The following SPHK1 variants were observed in gnomAD, a reference collection of about 807,000 sequenced individuals.
The protein encoded by SPHK1 is sphingosine kinase 1.
Under a neutral mutation model 14.6 loss-of-function variants are expected in SPHK1, and 10 were observed. That is an observed-to-expected ratio of 0.68 (90% CI 0.42 to 1.16). The LOEUF (loss-of-function observed/expected upper bound fraction) is 1.16, where lower values mean the gene tolerates loss of function less well. SPHK1 is among the 50% of genes most tolerant of loss of function. The pLI is 0.00. For missense variants in SPHK1, 553 were observed against 525.4 expected (o/e 1.05, Z -0.51); for synonymous variants, 274 against 224.0 (o/e 1.22, Z -1.99).
chr17:76,383,795 T>G, upstream of SPHK1: 1 of 1,275,582 alleles, frequency 7.8e-7, no homozygotes, highest in Non-Finnish European at 1.0e-6. Context: ...TCTGAGCGCG[T>G]TTCCGGCGCC....
At position 76,386,251 on chromosome 17, in the gene SPHK1, G is replaced by T; in HGVS notation, c.194G>T (p.Arg65Leu). The part of the protein sequence containing the change: ...ERRNHARELV[R>L]SEELGRWDAL... Reference sequence around the variant, plus strand: ...CGGAACCACGCGCGGGAGCTGGTGCGGTCGGAGGAGCTGGGCCGCTGGGAC... The same window carrying T: ...CGGAACCACGCGCGGGAGCTGGTGCTGTCGGAGGAGCTGGGCCGCTGGGAC... Residue 65 changes from arginine (R) to leucine (L), a missense_variant, in exon 4 of 6, where the codon CGG becomes CTG. Transcript: ENST00000592299. The surrounding 1 kb of genome is among the most constrained non-coding windows in gnomAD (Gnocchi z 5.3). 6.3e-7 allele frequency: 1 copy of T among 1,594,688 alleles called. No individual in the cohort carries two copies. The highest frequency in any genetic ancestry group is 1.3e-5 in the African/African-American group (1 of 74,894).
At position 76,385,554 on chromosome 17, in the gene SPHK1, C is replaced by G. The variant is rs572002544; in HGVS notation, c.-91C>G. The G allele has an allele frequency of 3.2e-6, 5 of 1,540,198 alleles. No homozygotes were observed. The South Asian group carries it at 5.9e-5, about 18-fold the overall frequency. Reference sequence around the variant, plus strand: ...CCTGCGACGCCCGCCTGGGCAGCACCGATAAGGAGCTGAAGGCAGGAGCCG... The same window carrying G: ...CCTGCGACGCCCGCCTGGGCAGCACGGATAAGGAGCTGAAGGCAGGAGCCG... On this transcript the variant is annotated 5_prime_UTR_variant, in exon 2 of 6. Transcript: ENST00000592299. This position sits in a 1 kb window ranked among gnomAD's most constrained non-coding sequence, Gnocchi z 5.3.
chr17:76,383,945 C>G, upstream of SPHK1: 1 of 1,096,528 alleles, frequency 9.1e-7, no homozygotes, highest in Non-Finnish European at 1.1e-6. Context: ...GCCTGCTCTA[C>G]CCGGGACAGC....
upstream of SPHK1, chr17:76,384,142 A>G (rs1003491819): frequency 6.1e-6 from 1 of 162,884 alleles, no homozygotes; most frequent in Non-Finnish European, 1.4e-5. Flanking sequence ...CAGAGCGCGC[A>G]AAAGGGGCGC....
upstream of SPHK1, chr17:76,383,838 G>A: frequency 1.6e-6 from 2 of 1,286,464 alleles, no homozygotes; most frequent in South Asian, 1.2e-5. Flanking sequence ...GGGGCGGGGG[G>A]CACGTACCAC....
In SPHK1 at chr17:76,385,786, C is replaced by A; in HGVS notation, c.10+132C>A. ...CATTATCCCTCACGAGGCCAGAAGC[C>A]GGCCGAATCTGAGCCAAGGAAGGGG... is the stretch of plus-strand genomic sequence containing the variant. On this transcript the variant is annotated intron_variant, in intron 2 of 5. Transcript: ENST00000592299. The surrounding 1 kb of genome is among the most constrained non-coding windows in gnomAD (Gnocchi z 5.3). 7.0e-7 allele frequency: 1 copy of A among 1,423,908 alleles called. No individual in the cohort carries two copies. Among genetic ancestry groups the A allele is most frequent in the Non-Finnish European group, 9.6e-7 (1 of 1,045,468 alleles). 88.2% of individuals were successfully genotyped at this position (1,423,908 alleles called of 1,614,324 possible). A position where few individuals can be genotyped will look rare whatever the true frequency, so the allele number is the denominator to read the frequency against.
upstream of SPHK1, chr17:76,383,717 G>T: frequency 3.1e-6 from 2 of 648,232 alleles, no homozygotes; most frequent in Non-Finnish European, 4.7e-6. Flanking sequence ...TCTGTGGCTT[G>T]CCGCGATAAG....
At chr17:76,383,869 GA>G, upstream of SPHK1, 1 of 1,277,200 alleles carries the variant, frequency 7.8e-7, no homozygotes, top group Non-Finnish European at 1.0e-6. Flanking sequence ...TTCCAATCCC[GA>G]CGGGGGCCCC....
chr17:76,386,499 A>G lies in SPHK1; in HGVS notation c.365A>G (p.His122Arg). ...SGNALAASLN[H>R]YAGYEQVTNE... is the part of the protein sequence containing the mutation. ...AACGCGCTGGCAGCTTCCTTGAACC[A>G]TTATGCTGGGTGAGAGCCCAGGGCC... Residue 122 changes from histidine to arginine, a missense_variant, in exon 5 of 6, where the codon CAT (histidine) becomes CGT (arginine). Transcript: ENST00000592299. This position sits in a 1 kb window ranked among gnomAD's most constrained non-coding sequence, Gnocchi z 5.3. The G allele has an allele frequency of 6.2e-7, 1 of 1,611,940 alleles. No homozygotes were observed. The highest frequency in any genetic ancestry group is 2.2e-5 in the East Asian group (1 of 44,864).
rs1160074476 is a variant in SPHK1, at chr17:76,385,961, G to T, written c.11-24G>T. The T allele has an allele frequency of 4.4e-6, 7 of 1,582,594 alleles. No homozygotes were observed. Among genetic ancestry groups the T allele is most frequent in the Admixed American group, 3.6e-5 (2 of 55,880 alleles). On this transcript the variant is annotated intron_variant, in intron 2 of 5. Coordinates refer to ENST00000592299, the MANE Select transcript of SPHK1 (RefSeq NM_001142601.2). The surrounding 1 kb of genome is among the most constrained non-coding windows in gnomAD (Gnocchi z 5.3). ...CCCCTAGTGGTCGGTTGCGGACGTG[G>T]CCTCTTTGGTTTTGTTTTCTCAGCG...
chr17:76,387,585 G>A lies in SPHK1; in HGVS notation c.1154G>A (p.Ter385=). ...QQMPPPEEPL[*] is the part of the protein sequence containing the mutation. ...ATGCCACCGCCAGAAGAGCCCTTAT[G>A]ACCCCTGGGCCGCGCTGTGCCTTAG... Residue 385 remains the stop codon, a stop_retained_variant, in exon 6 of 6, where the codon TGA becomes TAA. Coordinates refer to ENST00000592299, the MANE Select transcript of SPHK1 (RefSeq NM_001142601.2). The surrounding 1 kb of genome is among the most constrained non-coding windows in gnomAD (Gnocchi z 4.1). 1 of 1,586,192 alleles carries A rather than the reference G, an allele frequency of 6.3e-7. No homozygotes were observed. The highest frequency in any genetic ancestry group is 1.1e-5 in the South Asian group (1 of 87,290).
chr17:76,386,944 G>T lies in SPHK1; in HGVS notation c.513G>T (p.Trp171Cys). The change falls in exon 6 of 6, where the codon TGG (tryptophan) becomes TGT (cysteine). Residue 171 changes from tryptophan to cysteine, a missense_variant. Coordinates refer to ENST00000592299, the MANE Select transcript of SPHK1 (RefSeq NM_001142601.2). The surrounding 1 kb of genome is among the most constrained non-coding windows in gnomAD (Gnocchi z 5.3). ...LRLFSVLSLAWGFIADVDLES... is the reference protein window; with the variant it reads ...LRLFSVLSLACGFIADVDLES... The stretch of plus-strand genomic sequence containing the variant: ...TCTTCTCTGTGCTCAGCCTGGCCTG[G>T]GGCTTCATTGCTGATGTGGACCTAG... The T allele has an allele frequency of 6.2e-7, 1 of 1,613,514 alleles. No homozygotes were observed. Among genetic ancestry groups the T allele is most frequent in the Non-Finnish European group, 8.5e-7 (1 of 1,179,828 alleles).
rs1465800858 is a variant in SPHK1 at position 76,385,900 on chromosome 17, A to G, written c.11-85A>G. ...CAATTACCGGGGTGTTTCGGGCACC[A>G]AGTTCCCACACTAGTGCCCCATTGT... is the stretch of plus-strand genomic sequence containing the variant. On this transcript the variant is annotated intron_variant, in intron 2 of 5. Transcript: ENST00000592299. This position sits in a 1 kb window ranked among gnomAD's most constrained non-coding sequence, Gnocchi z 5.3. The G allele has an allele frequency of 2.0e-6, 3 of 1,505,672 alleles. No homozygotes were observed. The allele number at this position is 1,505,672 out of a possible 1,614,324, so 93.3% of individuals were successfully genotyped here.
At position 76,386,414 on chromosome 17, in the gene SPHK1, C is replaced by G. The variant is rs1343918506; in HGVS notation, c.280C>G (p.Arg94Gly). 5 of 1,612,198 alleles carry G rather than the reference C, an allele frequency of 3.1e-6. No individual in the cohort carries two copies. The highest frequency in any genetic ancestry group is 4.2e-6 in the Non-Finnish European group (5 of 1,179,556). The stretch of plus-strand genomic sequence containing the variant: ...ACAGGTGGTGAACGGGCTCATGGAG[C>G]GGCCTGACTGGGAGACCGCCATCCA... ...MHEVVNGLMERPDWETAIQKP... is the reference protein window; with the variant it reads ...MHEVVNGLMEGPDWETAIQKP... Residue 94 changes from arginine (R) to glycine (G), a missense_variant, in exon 5 of 6, where the codon CGG (arginine) becomes GGG (glycine). Physicochemically the swap from Arg to Gly is moderately radical, Grantham distance 125. Transcript: ENST00000592299. This position sits in a 1 kb window ranked among gnomAD's most constrained non-coding sequence, Gnocchi z 5.3.
Position 76,387,578 on chromosome 17 carries a change from C to T in SPHK1, c.1147C>T (p.Pro383Ser), listed in dbSNP as rs774324048. ...KPQQMPPPEE[P>S]L ...CCAGCAGATGCCACCGCCAGAAGAGCCCTTATGACCCCTGGGCCGCGCTGT... is the reference window on the plus strand; with the variant it reads ...CCAGCAGATGCCACCGCCAGAAGAGTCCTTATGACCCCTGGGCCGCGCTGT... Residue 383 changes from proline to serine, a missense_variant, in exon 6 of 6, where the codon CCC (proline) becomes TCC (serine). Transcript: ENST00000592299. The surrounding 1 kb of genome is among the most constrained non-coding windows in gnomAD (Gnocchi z 4.1). 8.8e-6 allele frequency: 14 copies of T among 1,588,670 alleles called. No homozygotes were observed. The highest frequency in any genetic ancestry group is 3.4e-5 in the Admixed American group (2 of 59,208).
Position 76,385,130 on chromosome 17 carries a change from T to C in SPHK1, c.-194-321T>C. 1 of 1,592,440 alleles carries C rather than the reference T, an allele frequency of 6.3e-7. No individual in the cohort carries two copies. Among genetic ancestry groups the C allele is most frequent in the Non-Finnish European group, 8.5e-7 (1 of 1,170,642 alleles). On this transcript the variant is annotated intron_variant, in intron 1 of 5. Coordinates refer to ENST00000592299, the MANE Select transcript of SPHK1 (RefSeq NM_001142601.2). This position sits in a 1 kb window ranked among gnomAD's most constrained non-coding sequence, Gnocchi z 5.3. ...AATGTCCGCTCAAGTTCTGGGATTT[T>C]TACGCAGCTGGACTCCCCTCCCCCT...
rs756344534 is a variant in SPHK1, at chr17:76,387,457, G to A, written c.1026G>A (p.Gly342=). 1.2e-6 allele frequency: 2 copies of A among 1,613,776 alleles called. No homozygotes were observed. Among genetic ancestry groups the A allele is most frequent in the East Asian group, 4.5e-5 (2 of 44,872 alleles). The part of the protein sequence containing the change: ...KDGKGVFAVD[G]ELMVSEAVQG... ...GGAAAGGTGTGTTTGCAGTGGATGG[G>A]GAATTGATGGTTAGCGAGGCCGTGC... Residue 342 remains glycine, a synonymous_variant, in exon 6 of 6, where the codon GGG becomes GGA. Transcript: ENST00000592299. This position sits in a 1 kb window ranked among gnomAD's most constrained non-coding sequence, Gnocchi z 4.1.
chr17:76,386,581 C>A lies in SPHK1; in HGVS notation c.374+73C>A. 7.1e-7 allele frequency: 1 copy of A among 1,402,778 alleles called. No individual in the cohort carries two copies. The highest frequency in any genetic ancestry group is 2.0e-5 in the Admixed American group (1 of 49,580). 86.9% of individuals were successfully genotyped at this position (1,402,778 alleles called of 1,614,324 possible). ...TACCGCGGGGGTTTTCTTGTCTAAG[C>A]TCCCATAGGCTGAGATCATTTCCAT... On this transcript the variant is annotated intron_variant, in intron 5 of 5. Transcript: ENST00000592299. This position sits in a 1 kb window ranked among gnomAD's most constrained non-coding sequence, Gnocchi z 5.3.
At position 76,385,996 on chromosome 17, in the gene SPHK1, C is replaced by T; in HGVS notation, c.22C>T (p.Arg8Trp). MDPAGGP[R>W]GVLPRPCRVL... is the part of the protein sequence containing the mutation. ...TTTTGTTTTCTCAGCGGGCGGCCCC[C>T]GGGGCGTGCTCCCGCGGCCCTGCCG... The change falls in exon 3 of 6, where the codon CGG (arginine) becomes TGG (tryptophan). Residue 8 changes from arginine to tryptophan, a missense_variant. Arg to Trp is a moderately radical substitution (Grantham distance 101). Transcript: ENST00000592299. The surrounding 1 kb of genome is among the most constrained non-coding windows in gnomAD (Gnocchi z 5.3). 2 of 1,600,680 alleles carry T rather than the reference C, an allele frequency of 1.2e-6. No individual in the cohort carries two copies. The highest frequency in any genetic ancestry group is 2.2e-5 in the South Asian group (2 of 90,222).
Sources: gnomAD v4.1 joint callset for allele counts on GRCh38, gnomAD v4.1.1 for gene constraint, Gnocchi (gnomAD v3.1) non-coding constraint, MANE v1.5 for transcripts, NCBI Gene and HGNC (gene_info 2026-07-23, HGNC 2026-07-21) for gene names.